The following PTPRN2 variants were observed in gnomAD, a reference collection of about 807,000 sequenced individuals.
The protein encoded by PTPRN2 is protein tyrosine phosphatase receptor type N2.
A neutral mutation model predicts 118.8 loss-of-function variants in PTPRN2; 74 were observed. The ratio of observed to expected loss-of-function variants is 0.62; its 90% confidence interval spans 0.52 to 0.76. The LOEUF is 0.76. PTPRN2 is among the 30% of genes least tolerant of loss of function. The pLI, the probability that PTPRN2 is intolerant of heterozygous loss-of-function variation, is 0.00. For missense variants in PTPRN2, 1,481 were observed against 1,394.4 expected, an observed-to-expected ratio of 1.06 and a Z score of -0.99; for synonymous variants, 641 against 608.0, an observed-to-expected ratio of 1.05 and a Z score of -0.80.
At chr7:158,235,621 CA>C (rs1369695149) in intron 3 of PTPRN2, among the ~76,000 whole-genome samples, 4 of 152,142 alleles carry the variant, frequency 2.6e-5, no homozygotes, top group Non-Finnish European at 4.4e-5. Context: ...GAAGGAGAGA[CA>C]TTGACTAATG....
intron 13 of PTPRN2, 123 bp downstream of exon 13, chr7:157,682,602 A>G (rs1164665637): frequency 2.0e-6 from 2 of 1,024,656 alleles, no homozygotes; most frequent in African/African-American, 3.2e-5. Flanking sequence ...TCCTCATAAA[A>G]GACCCCAAAC....
At chr7:157,552,685 C>A (rs933777501) in intron 21 of PTPRN2, among the ~76,000 whole-genome samples, 5 of 152,200 alleles carry the variant, frequency 3.3e-5, no homozygotes, top group Admixed American at 2.0e-4. Context: ...AAGAAATTTT[C>A]CCAAAACCAA....
chr7:158,228,198 G>T (rs1194249044), intron 3 of PTPRN2, among the ~76,000 whole-genome samples: 2 of 152,108 alleles, frequency 1.3e-5, no homozygotes, highest in African/African-American at 4.8e-5. Context: ...AAAACAGTGT[G>T]ACAATCAACT....
intron 3 of PTPRN2, among the ~76,000 whole-genome samples, chr7:158,220,629 A>G (rs1828286540): frequency 6.6e-6 from 1 of 152,170 alleles, no homozygotes; most frequent in African/African-American, 2.4e-5. Context: ...CAACATGTAC[A>G]AAAAGAATAA....
intron 2 of PTPRN2, among the ~76,000 whole-genome samples, chr7:158,440,960 A>G (rs1357039496): frequency 6.6e-5 from 7 of 106,586 alleles, no homozygotes; most frequent in East Asian, 2.8e-4. Flanking sequence ...GTGATGGGGT[A>G]GTAGTGGTGT....
At chr7:158,301,786 C>CA (rs952524262) in intron 3 of PTPRN2, among the ~76,000 whole-genome samples, 1 of 152,052 alleles carries the variant, frequency 6.6e-6, no homozygotes, top group Non-Finnish European at 1.5e-5. Flanking sequence ...CCATCTCTGC[C>CA]AAAAAATACG....
rs533087297 is a variant in PTPRN2 at position 157,591,202 on chromosome 7, C to T, written c.2496+4036G>A. Among the ~76,000 whole-genome samples, 4 of 152,112 alleles carry T rather than the reference C, an allele frequency of 2.6e-5. No homozygotes were observed. The East Asian group carries it at 5.8e-4, about 22-fold the overall frequency. On this transcript the variant is annotated intron_variant, in intron 17 of 22. Transcript: ENST00000389418. The surrounding 1 kb of genome is among the most constrained non-coding windows in gnomAD (Gnocchi z 4.4). The stretch of plus-strand genomic sequence containing the variant: ...CACTTCGAATCCCCCAAGGAGTGCA[C>T]GGGCCTGGGGCAGACACGGCCATCT...
At chr7:157,833,929 G>A (rs901941771) in intron 12 of PTPRN2, among the ~76,000 whole-genome samples, 11 of 152,332 alleles carry the variant, frequency 7.2e-5, no homozygotes, top group African/African-American at 9.6e-5. Context: ...GGGCTGAGGC[G>A]CACTGAACCC....
At chr7:158,038,920 A>G (rs1446401606) in intron 11 of PTPRN2, among the ~76,000 whole-genome samples, 1 of 152,118 alleles carries the variant, frequency 6.6e-6, no homozygotes, top group Non-Finnish European at 1.5e-5. Context: ...TTGAATGGCT[A>G]ACAGAGCTAT....
At chr7:157,686,671 A>G (rs547830765) in intron 12 of PTPRN2, among the ~76,000 whole-genome samples, 61 of 152,296 alleles carry the variant, frequency 4.0e-4, no homozygotes, top group African/African-American at 1.4e-3. Flanking sequence ...AATATTTATG[A>G]CTTTGACATT....
chr7:158,102,347 C>T (rs547541203), intron 10 of PTPRN2, among the ~76,000 whole-genome samples: 1 of 152,328 alleles, frequency 6.6e-6, no homozygotes, highest in South Asian at 2.1e-4. Flanking sequence ...AAAGCCACCT[C>T]TTGTGACTGC....
chr7:157,703,298 G>A (rs946966840), intron 12 of PTPRN2, among the ~76,000 whole-genome samples: 3 of 152,210 alleles, frequency 2.0e-5, no homozygotes, highest in African/African-American at 4.8e-5. Context: ...CGAGCTCCGA[G>A]GGATGTCTGC....
At chr7:157,602,903 C>G (rs1801764708) in intron 16 of PTPRN2, among the ~76,000 whole-genome samples, 1 of 152,274 alleles carries the variant, frequency 6.6e-6, no homozygotes, top group South Asian at 2.1e-4. Context: ...CCCCGTCTCA[C>G]TCAGCCCTAG....
At chr7:158,250,552 G>A (rs975707841) in intron 3 of PTPRN2, among the ~76,000 whole-genome samples, 3 of 151,696 alleles carry the variant, frequency 2.0e-5, no homozygotes, top group African/African-American at 7.3e-5. Flanking sequence ...CCATACATAT[G>A]CACACACACA....
At chr7:157,648,443 G>C (rs1342163843) in intron 14 of PTPRN2, among the ~76,000 whole-genome samples, 1 of 104,746 alleles carries the variant, frequency 9.5e-6, no homozygotes, top group Non-Finnish European at 2.2e-5. Flanking sequence ...CCCATTCACT[G>C]TGCACTGAAC....
chr7:158,185,246 G>A (rs1455864152), intron 5 of PTPRN2, among the ~76,000 whole-genome samples: 2 of 151,984 alleles, frequency 1.3e-5, no homozygotes, highest in African/African-American at 4.8e-5. Flanking sequence ...GACATTTATT[G>A]AGACTTATTT....
chr7:157,943,450 C>T (rs1243168391), intron 11 of PTPRN2, among the ~76,000 whole-genome samples: 1 of 152,152 alleles, frequency 6.6e-6, no homozygotes, highest in Non-Finnish European at 1.5e-5. Context: ...AATGTCTCCA[C>T]AGGAAGCATC....
chr7:158,128,831 G>A (rs1198741367), intron 9 of PTPRN2, among the ~76,000 whole-genome samples: 6 of 152,122 alleles, frequency 3.9e-5, no homozygotes, highest in African/African-American at 1.2e-4. Flanking sequence ...CCCTGCAAGG[G>A]TGGCTCAAGT....
chr7:157,799,192 GC>G (rs1246210919), intron 12 of PTPRN2, among the ~76,000 whole-genome samples: 1 of 152,110 alleles, frequency 6.6e-6, no homozygotes, highest in Non-Finnish European at 1.5e-5. Flanking sequence ...GGGAGGAAGG[GC>G]TGGGTGAGGC....
Sources: gnomAD v4.1 joint callset for allele counts (sites outside exome capture counted in the v4.1 genomes callset) on GRCh38, gnomAD v4.1.1 for gene constraint, Gnocchi (gnomAD v3.1) non-coding constraint, MANE v1.5 for transcripts, NCBI Gene and HGNC (gene_info 2026-07-23, HGNC 2026-07-21) for gene names.